PECR: variants seen among roughly 807,000 people sequenced by gnomAD.
PECR encodes the protein peroxisomal trans-2-enoyl-CoA reductase.
PECR carries 30 observed loss-of-function variants against 35.3 expected under a neutral mutation model. The observed-to-expected ratio is 0.85, with a 90% confidence interval of 0.64 to 1.15. The LOEUF (loss-of-function observed/expected upper bound fraction) is 1.15. PECR is among the 50% of genes most tolerant of loss of function. The pLI, the probability that PECR is intolerant of heterozygous loss-of-function variation, is 0.00. For synonymous variants in PECR, 148 were observed against 138.9 expected (o/e 1.07, Z -0.46); for missense variants, 392 against 370.8 (o/e 1.06, Z -0.47).
intron 1 of PECR, among the ~76,000 whole-genome samples, chr2:216,074,625 A>G (rs1370270415): frequency 1.3e-5 from 2 of 152,180 alleles, no homozygotes; most frequent in African/African-American, 4.8e-5. Context: ...GACCTCGAGT[A>G]AAAAATATGT....
In PECR at chr2:216,054,298, GA is replaced by G. The variant is rs557680243; in HGVS notation, c.507-2754del. On this transcript the variant is annotated intron_variant, in intron 4 of 7. Transcript: ENST00000265322. ...GTGAAACTCCATCTCAAAAAAAAAA[GA>G]AAAAAAAAAAAGAAAAGTAGGAAAT... Among the ~76,000 whole-genome samples the G allele has an allele frequency of 4.5e-3, 377 of 83,306 alleles. 1 individual carries two copies. Among genetic ancestry groups the G allele is most frequent in the Middle Eastern group, 0.019 (3 of 156 alleles). The allele number at this position is 83,306 out of a possible 152,430, so 54.7% of individuals were successfully genotyped here. A position where few individuals can be genotyped will look rare whatever the true frequency, so the allele number is the denominator to read the frequency against.
At chr2:216,031,699 A>AAGAGAGAG (rs1361608055) in intron 7 of PECR, among the ~76,000 whole-genome samples, 336 of 127,570 alleles carry the variant, frequency 2.6e-3, no homozygotes, top group African/African-American at 7.9e-3. Context: ...AAGAGAAAGA[A>AAGAGAGAG]AGAAAGAAAG....
downstream of PECR, among the ~76,000 whole-genome samples, chr2:216,033,460 G>A (rs1213777295): frequency 6.6e-6 from 1 of 152,060 alleles, no homozygotes; most frequent in Non-Finnish European, 1.5e-5. Context: ...TGTACTTCAT[G>A]GAAAGAGAGA....
In PECR at chr2:216,081,660, T is replaced by C; in HGVS notation, c.82A>G (p.Thr28Ala). 6.2e-7 allele frequency: 1 copy of C among 1,612,666 alleles called. No individual in the cohort carries two copies. Among genetic ancestry groups the C allele is most frequent in the Non-Finnish European group, 8.5e-7 (1 of 1,179,562 alleles). Reference protein sequence around the residue: ...GQVAIVTGGATGIGKAIVKEL... With the variant: ...GQVAIVTGGAAGIGKAIVKEL... ...TTCACGATGGCTTTTCCGATGCCCG[T>C]GGCCCCGCCGGTGACGATGGCCACT... Residue 28 changes from threonine to alanine, a missense_variant, in exon 1 of 8, where the codon ACG becomes GCG. Thr to Ala is a moderately conservative substitution (Grantham distance 58, BLOSUM62 0). Coordinates refer to ENST00000265322, the MANE Select transcript of PECR (RefSeq NM_018441.6).
intron 7 of PECR, among the ~76,000 whole-genome samples, chr2:216,030,800 T>TG (rs1322252339): frequency 6.6e-6 from 1 of 150,898 alleles, no homozygotes; most frequent in African/African-American, 2.4e-5. Context: ...TGACCTCAGG[T>TG]GATCTGCCTG....
At chr2:216,030,694 C>T (rs993308086) in intron 7 of PECR, among the ~76,000 whole-genome samples, 3 of 151,506 alleles carry the variant, frequency 2.0e-5, no homozygotes, top group African/African-American at 7.3e-5. Context: ...TAGCATGCAC[C>T]ACCACAACTG....
intron 1 of PECR, among the ~76,000 whole-genome samples, chr2:216,081,017 T>C (rs969095695): frequency 6.6e-6 from 1 of 152,214 alleles, no homozygotes; most frequent in Non-Finnish European, 1.5e-5. Context: ...TATCTTATGT[T>C]GCAAATATTT....
intron 4 of PECR, among the ~76,000 whole-genome samples, chr2:216,051,812 T>G (rs1559211287): frequency 6.6e-6 from 1 of 152,212 alleles, no homozygotes; most frequent in East Asian, 1.9e-4. Flanking sequence ...AGGAATACTT[T>G]AAAGAACTTT....
chr2:216,076,869 T>C (rs565121405), intron 1 of PECR, among the ~76,000 whole-genome samples: 9 of 151,690 alleles, frequency 5.9e-5, no homozygotes, highest in South Asian at 4.2e-4. Context: ...TTGGGAAAAA[T>C]AGAATTCTAA....
chr2:216,074,556 GGA>G (rs1695657607), intron 1 of PECR, among the ~76,000 whole-genome samples: 2 of 151,176 alleles, frequency 1.3e-5, no homozygotes, highest in South Asian at 2.1e-4. Context: ...AAGGAAGGAA[GGA>G]AGAGAGAGAG....
downstream of PECR, among the ~76,000 whole-genome samples, chr2:216,035,822 T>G (rs1298767035): frequency 1.3e-5 from 2 of 152,128 alleles, no homozygotes; most frequent in Non-Finnish European, 2.9e-5. Context: ...TTAGTCCTAG[T>G]GGTGCAGGCT....
At chr2:216,066,121 C>T (rs1695461268) in intron 2 of PECR, among the ~76,000 whole-genome samples, 1 of 151,980 alleles carries the variant, frequency 6.6e-6, no homozygotes, top group Non-Finnish European at 1.5e-5. Flanking sequence ...AAGACTTTGT[C>T]TCAAAAAAAT....
chr2:216,030,956 TCACACACACACACA>T (rs1219074422), intron 7 of PECR, among the ~76,000 whole-genome samples: 1 of 113,400 alleles, frequency 8.8e-6, no homozygotes, highest in South Asian at 2.8e-4. Context: ...TCTCTCTCTC[TCACACACACACACA>T]CACACACACA....
At chr2:216,034,510 A>AT (rs1036866905), downstream of PECR, among the ~76,000 whole-genome samples, 4 of 151,144 alleles carry the variant, frequency 2.6e-5, no homozygotes, top group East Asian at 3.9e-4. Context: ...AGTCTGTGAT[A>AT]TTTTTTTTTC....
chr2:216,031,475 GAGAA>G lies in PECR; in HGVS notation c.*440+7712_*440+7715del, dbSNP rs71047962. 1.7e-3 allele frequency among the ~76,000 whole-genome samples: 221 copies of G among 132,900 alleles called. 1 individual carries two copies. The highest frequency in any genetic ancestry group is 5.0e-3 in the African/African-American group (166 of 33,238). 87.2% of individuals were successfully genotyped at this position (132,900 alleles called of 152,430 possible). ...AGAAAGAGAGAAAGAAAGAAAGAAAGAGAAAGAAAGAAAGAAAGAGAAAGAAAGA... is the reference window on the plus strand; with the variant it reads ...AGAAAGAGAGAAAGAAAGAAAGAAAGAGAAAGAAAGAAAGAGAAAGAAAGA... On this transcript the variant is annotated intron_variant and NMD_transcript_variant, in intron 7 of 7. Transcript: ENST00000442122.
chr2:216,051,327 C>G, intron 5 of PECR, 122 bp downstream of exon 5: 4 of 548,528 alleles, frequency 7.3e-6, no homozygotes, highest in East Asian at 3.8e-5. Context: ...TCCATTTTAT[C>G]TATGTTTTAA....
chr2:216,073,946 G>A (rs1695635349), intron 1 of PECR, among the ~76,000 whole-genome samples: 1 of 152,182 alleles, frequency 6.6e-6, no homozygotes. Flanking sequence ...TATACTTCTA[G>A]ACTAATCCAA....
At chr2:216,048,735 C>A (rs1161854872) in intron 6 of PECR, among the ~76,000 whole-genome samples, 3 of 149,956 alleles carry the variant, frequency 2.0e-5, no homozygotes, top group Admixed American at 6.7e-5. Flanking sequence ...TCATCGTCAT[C>A]ATCATCATCC....
intron 3 of PECR, among the ~76,000 whole-genome samples, chr2:216,064,760 C>T (rs1040164391): frequency 3.3e-5 from 5 of 152,142 alleles, no homozygotes; most frequent in East Asian, 1.9e-4. Flanking sequence ...GGCATGAAGA[C>T]CCTTTGAGAT....
Sources: allele counts gnomAD v4.1 joint callset (sites outside exome capture counted in the v4.1 genomes callset), GRCh38; gene constraint gnomAD v4.1.1; transcripts MANE v1.5; gene names NCBI Gene and HGNC (gene_info 2026-07-23, HGNC 2026-07-21).